Variants in MRPL18 observed in about 807,000 individuals in gnomAD.
MRPL18 encodes large ribosomal subunit protein uL18m.
Under a neutral mutation model 20.9 loss-of-function variants are expected in MRPL18, and 16 were observed. The ratio of observed to expected loss-of-function variants is 0.76; its 90% confidence interval spans 0.52 to 1.16. MRPL18 has a LOEUF of 1.16. Among genes scored for constraint, MRPL18 ranks in the 50% most tolerant of loss-of-function variants. The pLI is 0.00. For synonymous variants in MRPL18, 91 were observed against 87.1 expected (o/e 1.04, Z -0.25); for missense variants, 233 against 230.6 (o/e 1.01, Z -0.07).
intron 2 of MRPL18, among the ~76,000 whole-genome samples, chr6:159,791,913 T>G (rs1289737737): frequency 6.6e-6 from 1 of 152,150 alleles, no homozygotes; most frequent in Non-Finnish European, 1.5e-5. Context: ...TTTTAGCTGC[T>G]TTTTGGAAGA....
In MRPL18 at chr6:159,798,208, C is replaced by A. The variant is rs1781088805; in HGVS notation, c.*85C>A. 1.7e-6 allele frequency: 2 copies of A among 1,155,604 alleles called. No individual in the cohort carries two copies. The highest frequency in any genetic ancestry group is 2.5e-6 in the Non-Finnish European group (2 of 795,100). The allele number at this position is 1,155,604 out of a possible 1,614,324, so 71.6% of individuals were successfully genotyped here. On this transcript the variant is annotated 3_prime_UTR_variant, in exon 4 of 4. Transcript: ENST00000367034. ...AAAAGAGAGCATCTGGAAGAACAGCCAGCTTGGAAGTTTTACAGCAATAAT... is the reference window on the plus strand; with the variant it reads ...AAAAGAGAGCATCTGGAAGAACAGCAAGCTTGGAAGTTTTACAGCAATAAT...
intron 2 of MRPL18, among the ~76,000 whole-genome samples, chr6:159,793,755 CA>C (rs1459009466): frequency 6.6e-6 from 1 of 151,868 alleles, no homozygotes. Context: ...TAAAAATACA[CA>C]AAAAAATTAG....
intron 3 of MRPL18, 117 bp downstream of exon 3, chr6:159,797,635 T>G (rs1188296485): frequency 1.1e-6 from 1 of 880,250 alleles, no homozygotes; most frequent in Non-Finnish European, 1.8e-6. Flanking sequence ...TCAGACCCTT[T>G]GGTGAGTACT....
chr6:159,795,542 C>T (rs976985887), intron 2 of MRPL18, among the ~76,000 whole-genome samples: 3 of 152,144 alleles, frequency 2.0e-5, no homozygotes, highest in Non-Finnish European at 2.9e-5. Flanking sequence ...TGACACAGCA[C>T]GTATTTCAGA....
At chr6:159,792,167 G>A (rs1184331949) in intron 2 of MRPL18, among the ~76,000 whole-genome samples, 1 of 152,152 alleles carries the variant, frequency 6.6e-6, no homozygotes, top group Non-Finnish European at 1.5e-5. Flanking sequence ...AAGTGCCAGA[G>A]CTAAGATTTA....
intron 2 of MRPL18, among the ~76,000 whole-genome samples, chr6:159,792,251 A>G (rs1246720391): frequency 5.9e-5 from 9 of 152,144 alleles, no homozygotes; most frequent in Non-Finnish European, 8.8e-5. Context: ...AGTGTTTATC[A>G]GGTTTATCTG....
chr6:159,790,674 C>G (rs764806339), intron 1 of MRPL18, 35 bp downstream of exon 1: 2 of 1,611,038 alleles, frequency 1.2e-6, no homozygotes. Context: ...CCAGCTCACT[C>G]GCCTGGGCTT....
chr6:159,797,939 A>T, intron 3 of MRPL18, 113 bp from the exon 4 acceptor site: 1 of 846,848 alleles, frequency 1.2e-6, no homozygotes, highest in Non-Finnish European at 1.8e-6. Flanking sequence ...GTAGGCTGGG[A>T]AGTTAGCAAG....
intron 1 of MRPL18, 27 bp downstream of exon 1, chr6:159,790,666 A>G (rs368583801): frequency 5.0e-6 from 8 of 1,612,956 alleles, no homozygotes; most frequent in Admixed American, 1.7e-5. Context: ...CCCTTCTCCC[A>G]GCTCACTCGC....
chr6:159,797,573 A>G (rs3777423), intron 3 of MRPL18, 55 bp downstream of exon 3: 793,819 of 1,518,140 alleles, frequency 0.52, 213,312 homozygotes, highest in Admixed American at 0.6. Flanking sequence ...TCTTGGCATT[A>G]GATAACTTAC....
chr6:159,795,903 C>A (rs1230930894), intron 2 of MRPL18, among the ~76,000 whole-genome samples: 3 of 152,124 alleles, frequency 2.0e-5, no homozygotes, highest in African/African-American at 7.2e-5. Context: ...CCCACCTCAG[C>A]CTCCCAAGTA....
In MRPL18 at chr6:159,791,038, CG is replaced by C. The variant is rs1562488120; in HGVS notation, c.153del (p.Asn52ThrfsTer10). On this transcript the variant is annotated frameshift_variant, in exon 2 of 4. Transcript: ENST00000367034. LOFTEE classifies it high-confidence loss of function. Reference sequence around the variant, plus strand: ...AGCTGTCGCCCCAGAATTCACCAACCGGAACCCCCGGAACCTGGAGCTTTTA... The same window carrying C: ...AGCTGTCGCCCCAGAATTCACCAACCGAACCCCCGGAACCTGGAGCTTTTA... ...NEAVAPEFTN[R>X]NPRNLELLSV... 2 of 1,614,188 alleles carry C rather than the reference CG, an allele frequency of 1.2e-6. No individual in the cohort carries two copies. Among genetic ancestry groups the C allele is most frequent in the Admixed American group, 3.3e-5 (2 of 60,018 alleles).
At chr6:159,794,205 G>T (rs139371330) in intron 2 of MRPL18, among the ~76,000 whole-genome samples, 1 of 152,124 alleles carries the variant, frequency 6.6e-6, no homozygotes, top group African/African-American at 2.4e-5. Flanking sequence ...AAACACTTCC[G>T]CATCTTTCTT....
rs151059879 is a variant in MRPL18, at chr6:159,798,091, G to T, written c.511G>T (p.Val171Phe). Residue 171 changes from valine to phenylalanine, a missense_variant, in exon 4 of 4, where the codon GTT becomes TTT. Transcript: ENST00000367034. ...AAGTGCCATGACAGAAGGTGGTGTGGTTCTACGGGAACCTCAGAGAATCTA... is the reference window on the plus strand; with the variant it reads ...AAGTGCCATGACAGAAGGTGGTGTGTTTCTACGGGAACCTCAGAGAATCTA... ...LQSAMTEGGV[V>F]LREPQRIYE is the part of the protein sequence containing the mutation. 337 of 1,613,666 alleles carry T rather than the reference G, an allele frequency of 2.1e-4. No individual in the cohort carries two copies. The highest frequency in any genetic ancestry group is 2.7e-4 in the Non-Finnish European group (323 of 1,179,890).
chr6:159,797,291 C>T lies in MRPL18; in HGVS notation c.244C>T (p.Arg82Ter), dbSNP rs375117381. 28 of 1,613,754 alleles carry T rather than the reference C, an allele frequency of 1.7e-5. No homozygotes were observed. Among genetic ancestry groups the T allele is most frequent in the Admixed American group, 5.0e-5 (3 of 59,996 alleles). The part of the protein sequence containing the change: ...FPSREFWHRL[R>*]VIRTQHHVEA... ...TTATCTTCTCACCCCATTTAGGTTGCGAGTTATAAGGACTCAGCATCATGT... is the reference window on the plus strand; with the variant it reads ...TTATCTTCTCACCCCATTTAGGTTGTGAGTTATAAGGACTCAGCATCATGT... Residue 82 changes from arginine (R) to a stop codon, truncating the protein, a stop_gained, in exon 3 of 4, where the codon CGA becomes TGA. Transcript: ENST00000367034. LOFTEE classifies it high-confidence loss of function.
chr6:159,794,230 A>G (rs960123715), intron 2 of MRPL18, among the ~76,000 whole-genome samples: 1 of 152,196 alleles, frequency 6.6e-6, no homozygotes. Flanking sequence ...ACCACCCTCA[A>G]CCACCCCAAG....
In MRPL18 at chr6:159,797,522, T is replaced by A; in HGVS notation, c.471+4T>A. The A allele has an allele frequency of 6.2e-7, 1 of 1,612,800 alleles. No homozygotes were observed. The highest frequency in any genetic ancestry group is 1.1e-5 in the South Asian group (1 of 91,072). ...GTGGGAGGCAGCCTCAGACTCGGTATTTTTGTTTTCATGTACTTATTGAAA... is the reference window on the plus strand; with the variant it reads ...GTGGGAGGCAGCCTCAGACTCGGTAATTTTGTTTTCATGTACTTATTGAAA... On this transcript the variant is annotated splice_donor_region_variant and intron_variant, in intron 3 of 3. Transcript: ENST00000367034.
chr6:159,790,748 C>T, intron 1 of MRPL18, 109 bp downstream of exon 1: 2 of 1,475,944 alleles, frequency 1.4e-6, no homozygotes, highest in Non-Finnish European at 1.9e-6. Flanking sequence ...AAATAGAGCT[C>T]GCGGCACTGC....
Position 159,798,225 on chromosome 6 carries a change from A to T in MRPL18, c.*102A>T. 2.2e-6 allele frequency: 2 copies of T among 910,250 alleles called. No individual in the cohort carries two copies. Among genetic ancestry groups the T allele is most frequent in the Non-Finnish European group, 3.4e-6 (2 of 588,480 alleles). 56.4% of individuals were successfully genotyped at this position (910,250 alleles called of 1,614,324 possible). A position where few individuals can be genotyped will look rare whatever the true frequency, so the allele number is the denominator to read the frequency against. ...AGAACAGCCAGCTTGGAAGTTTTAC[A>T]GCAATAATGTTGCAGTGGAATATTA... On this transcript the variant is annotated 3_prime_UTR_variant, in exon 4 of 4. Coordinates refer to ENST00000367034, the MANE Select transcript of MRPL18 (RefSeq NM_014161.5).
Sources: allele counts gnomAD v4.1 joint callset (sites outside exome capture counted in the v4.1 genomes callset), GRCh38; gene constraint gnomAD v4.1.1; transcripts MANE v1.5; gene names NCBI Gene and HGNC (gene_info 2026-07-23, HGNC 2026-07-21).